The following TMEM120B variants were observed in gnomAD, a reference collection of about 807,000 sequenced individuals.
TMEM120B encodes the protein transmembrane protein 120B.
Under a neutral mutation model 55.5 loss-of-function variants are expected in TMEM120B, and 31 were observed. That is an observed-to-expected ratio of 0.56 (90% confidence interval 0.42 to 0.75). The LOEUF (loss-of-function observed/expected upper bound fraction) is 0.75. Ranked by LOEUF, TMEM120B falls within the 30% of genes least tolerant of loss-of-function variation. TMEM120B has a pLI of 0.00. For synonymous variants in TMEM120B, 203 were observed against 176.3 expected (o/e 1.15, Z -1.20); for missense variants, 399 against 425.5 (o/e 0.94, Z 0.55).
chr12:121,750,632 C>T (rs1462548833), intron 4 of TMEM120B, among the ~76,000 whole-genome samples, 193 bp downstream of exon 4: 2 of 133,150 alleles, frequency 1.5e-5, no homozygotes, highest in Non-Finnish European at 3.3e-5. Context: ...ACCACACCCA[C>T]ACCCCACACT....
At chr12:121,722,542 A>C (rs1260935718) in intron 1 of TMEM120B, among the ~76,000 whole-genome samples, 1 of 152,196 alleles carries the variant, frequency 6.6e-6, no homozygotes, top group East Asian at 1.9e-4. Flanking sequence ...ACCCAGAGAG[A>C]GGTGAAGCAG....
At chr12:121,753,102 G>A (rs1873378300) in intron 5 of TMEM120B, among the ~76,000 whole-genome samples, 1 of 149,978 alleles carries the variant, frequency 6.7e-6, no homozygotes, top group Non-Finnish European at 1.5e-5. Context: ...AGGGAGACCT[G>A]GTCTGAACAA....
intron 1 of TMEM120B, among the ~76,000 whole-genome samples, chr12:121,713,639 CGGGT>C (rs1405112317): frequency 1.3e-5 from 2 of 152,000 alleles, no homozygotes; most frequent in African/African-American, 4.8e-5. Context: ...GGAGTGAGGG[CGGGT>C]GTAAGGCGGG....
chr12:121,746,610 G>C (rs1380322892), intron 2 of TMEM120B, among the ~76,000 whole-genome samples: 1 of 152,146 alleles, frequency 6.6e-6, no homozygotes, highest in Non-Finnish European at 1.5e-5. Context: ...TGGGATCATA[G>C]GCGTATGTGC....
rs1435570128 is a variant in TMEM120B at position 121,774,735 on chromosome 12, G to T, written c.837+13G>T. 6.2e-7 allele frequency: 1 copy of T among 1,613,464 alleles called. No homozygotes were observed. ...CTTCTGTGGCCATGTGAGTCCCCCT[G>T]GAGTTTGTGGGTATCTCCTGTCTGG... On this transcript the variant is annotated intron_variant, in intron 10 of 11. Transcript: ENST00000449592.
chr12:121,739,625 A>G (rs936706471), intron 1 of TMEM120B, among the ~76,000 whole-genome samples: 7 of 151,758 alleles, frequency 4.6e-5, no homozygotes, highest in Non-Finnish European at 1.0e-4. Flanking sequence ...GGCGCCCGCC[A>G]CCACACCTGG....
chr12:121,750,564 T>C (rs78317380), intron 4 of TMEM120B, 125 bp downstream of exon 4: 34,089 of 539,168 alleles, frequency 0.063, 1,666 homozygotes, highest in African/African-American at 0.3. Flanking sequence ...ACCCCACACC[T>C]CAAACCCACA....
intron 1 of TMEM120B, among the ~76,000 whole-genome samples, chr12:121,737,551 G>T (rs150016066): frequency 6.6e-6 from 1 of 151,994 alleles, no homozygotes; most frequent in African/African-American, 2.4e-5. Flanking sequence ...ATGAGGTTGC[G>T]TTGGGACTCA....
intron 4 of TMEM120B, among the ~76,000 whole-genome samples, chr12:121,751,163 CACCCCACACCTAACACCCCAT>C: frequency 7.4e-6 from 1 of 135,614 alleles, no homozygotes; most frequent in Admixed American, 7.3e-5. Flanking sequence ...CCCAAACCCA[CACCCCACACCTAACACCCCAT>C]ACCCCACACC....
intron 5 of TMEM120B, among the ~76,000 whole-genome samples, chr12:121,752,438 G>A (rs887370267): frequency 3.9e-5 from 6 of 152,266 alleles, no homozygotes; most frequent in Middle Eastern, 3.4e-3. Flanking sequence ...TGCTGGAAAG[G>A]CCTTGTACTG....
chr12:121,731,770 TAA>T (rs1312536326), intron 1 of TMEM120B, among the ~76,000 whole-genome samples: 5 of 152,198 alleles, frequency 3.3e-5, no homozygotes, highest in African/African-American at 1.2e-4. Flanking sequence ...TTAAAATGAT[TAA>T]GAGGATAAAT....
chr12:121,720,627 C>T (rs1295685657), intron 1 of TMEM120B, among the ~76,000 whole-genome samples: 2 of 152,022 alleles, frequency 1.3e-5, no homozygotes, highest in Non-Finnish European at 2.9e-5. Flanking sequence ...AGGAGGATCG[C>T]CTGAGCCCAG....
chr12:121,729,407 G>A (rs760292784), intron 1 of TMEM120B, among the ~76,000 whole-genome samples: 6 of 152,210 alleles, frequency 3.9e-5, no homozygotes, highest in African/African-American at 1.4e-4. Context: ...CATGCACAGT[G>A]CATCAAGACA....
At chr12:121,731,955 G>T (rs939183826) in intron 1 of TMEM120B, among the ~76,000 whole-genome samples, 10 of 152,230 alleles carry the variant, frequency 6.6e-5, no homozygotes, top group South Asian at 2.1e-4. Context: ...TGGCTAACAC[G>T]GTGAAATGCT....
intron 5 of TMEM120B, among the ~76,000 whole-genome samples, chr12:121,753,644 A>G (rs548508947): frequency 6.6e-6 from 1 of 152,232 alleles, no homozygotes; most frequent in Admixed American, 6.5e-5. Flanking sequence ...ACTAAAAATC[A>G]CTAAATTATA....
intron 6 of TMEM120B, among the ~76,000 whole-genome samples, 164 bp from the exon 7 acceptor site, chr12:121,770,743 T>C (rs140146628): frequency 6.6e-6 from 1 of 152,136 alleles, no homozygotes; most frequent in Non-Finnish European, 1.5e-5. Flanking sequence ...TGCAGCCCTG[T>C]GGGACAGAGA....
Position 121,779,387 on chromosome 12 carries a change from G to T in TMEM120B, c.*3665G>T. ...AGAATGTTCCAAGAGTCTAGCCGCAGGCCCCAGACACCATGAGCTGGAGGG... is the reference window on the plus strand; with the variant it reads ...AGAATGTTCCAAGAGTCTAGCCGCATGCCCCAGACACCATGAGCTGGAGGG... On this transcript the variant is annotated 3_prime_UTR_variant, in exon 12 of 12. Coordinates refer to ENST00000449592, the MANE Select transcript of TMEM120B (RefSeq NM_001080825.2). The T allele has an allele frequency of 8.5e-7, 1 of 1,171,180 alleles. No homozygotes were observed. The highest frequency in any genetic ancestry group is 1.2e-6 in the Non-Finnish European group (1 of 836,068). 72.5% of individuals were successfully genotyped at this position (1,171,180 alleles called of 1,614,324 possible).
Position 121,780,816 on chromosome 12 carries a change from A to G in TMEM120B, c.*5094A>G, listed in dbSNP as rs1415684735. 1 of 1,558,590 alleles carries G rather than the reference A, an allele frequency of 6.4e-7. No homozygotes were observed. Among genetic ancestry groups the G allele is most frequent in the South Asian group, 1.2e-5 (1 of 83,306 alleles). Reference sequence around the variant, plus strand: ...AAGGCACCCCAGTTGCAGAGGCCAAAGGTCCGGGAGGCTTCACAGCCACGG... The same window carrying G: ...AAGGCACCCCAGTTGCAGAGGCCAAGGGTCCGGGAGGCTTCACAGCCACGG... On this transcript the variant is annotated 3_prime_UTR_variant, in exon 12 of 12. Transcript: ENST00000449592.
chr12:121,752,897 T>G (rs1318185577), intron 5 of TMEM120B, among the ~76,000 whole-genome samples: 1 of 152,040 alleles, frequency 6.6e-6, no homozygotes, highest in Non-Finnish European at 1.5e-5. Flanking sequence ...GTCAGGAGTT[T>G]GAGCCTATCC....
Sources: gnomAD v4.1 joint callset for allele counts (sites outside exome capture counted in the v4.1 genomes callset) on GRCh38, gnomAD v4.1.1 for gene constraint, MANE v1.5 for transcripts, NCBI Gene and HGNC (gene_info 2026-07-23, HGNC 2026-07-21) for gene names.